GALNT17: variants seen among roughly 807,000 people sequenced by gnomAD.
GALNT17 encodes the protein polypeptide N-acetylgalactosaminyltransferase 17.
In GALNT17, 29 loss-of-function variants were observed where a neutral mutation model predicts 63.7. That is an observed-to-expected ratio of 0.46 (90% CI 0.34 to 0.62). The LOEUF (loss-of-function observed/expected upper bound fraction) is 0.62. GALNT17 is among the 20% of genes least tolerant of loss of function. The pLI is 0.01. For missense variants in GALNT17, 603 were observed against 799.6 expected (o/e 0.75, Z 2.97); for synonymous variants, 305 against 318.3 (o/e 0.96, Z 0.45).
chr7:71,562,953 A>G (rs1562692130), intron 5 of GALNT17, among the ~76,000 whole-genome samples: 1 of 152,196 alleles, frequency 6.6e-6, no homozygotes, highest in Non-Finnish European at 1.5e-5. Context: ...TTTTTCACCT[A>G]TGAAAAGAAA....
At chr7:71,321,186 C>A (rs888797226) in intron 1 of GALNT17, among the ~76,000 whole-genome samples, 5 of 152,156 alleles carry the variant, frequency 3.3e-5, no homozygotes, top group African/African-American at 1.2e-4. Flanking sequence ...ATATTTCTTA[C>A]CTGCTCCTAG....
At chr7:71,246,115 G>GTTTTTTTTTTT (rs61447370) in intron 1 of GALNT17, among the ~76,000 whole-genome samples, 6 of 92,002 alleles carry the variant, frequency 6.5e-5, no homozygotes, top group Admixed American at 1.4e-4. Context: ...TTTTTTCGTT[G>GTTTTTTTTTTT]TTTTTTTTTT....
In GALNT17 at chr7:71,373,371, AGGGAGGCAG is replaced by A. The variant is rs796471022; in HGVS notation, c.423-14861_423-14853del. Among the ~76,000 whole-genome samples, 151 of 152,232 alleles carry A rather than the reference AGGGAGGCAG, an allele frequency of 9.9e-4. 1 individual carries two copies. Among genetic ancestry groups the A allele is most frequent in the African/African-American group, 3.6e-3 (148 of 41,562 alleles). On this transcript the variant is annotated intron_variant, in intron 2 of 10. Transcript: ENST00000333538. The stretch of plus-strand genomic sequence containing the variant: ...CGGTGTGACTCAGGTCAGCTGGTGA[AGGGAGGCAG>A]GGAGGTTGGGGAGGGGAAGATGTGA...
At chr7:71,136,898 C>A (rs551469732) in intron 1 of GALNT17, among the ~76,000 whole-genome samples, 1 of 152,088 alleles carries the variant, frequency 6.6e-6, no homozygotes, top group East Asian at 1.9e-4. Flanking sequence ...GTGATCCTCC[C>A]ACCTCAGCCT....
chr7:71,583,055 A>G (rs971673434), intron 6 of GALNT17, among the ~76,000 whole-genome samples: 1 of 152,116 alleles, frequency 6.6e-6, no homozygotes, highest in Admixed American at 6.5e-5. Context: ...TTTGGGGAAA[A>G]TTAGTTTTTC....
chr7:71,337,518 A>G (rs189826277), intron 2 of GALNT17, among the ~76,000 whole-genome samples: 16 of 152,176 alleles, frequency 1.1e-4, no homozygotes, highest in African/African-American at 3.6e-4. Context: ...AAAAATGCCA[A>G]ACTGATAGGT....
At chr7:71,362,656 G>A (rs1792426113) in intron 2 of GALNT17, among the ~76,000 whole-genome samples, 2 of 152,232 alleles carry the variant, frequency 1.3e-5, no homozygotes, top group Admixed American at 1.3e-4. Context: ...TTTTTTTCAT[G>A]GCCAAGATGC....
At chr7:71,149,927 A>G (rs1461609388) in intron 1 of GALNT17, among the ~76,000 whole-genome samples, 1 of 152,160 alleles carries the variant, frequency 6.6e-6, no homozygotes, top group East Asian at 1.9e-4. Flanking sequence ...ATGGATGCTA[A>G]GCCTTGCATG....
At chr7:71,695,656 T>C (rs1235534141) in intron 9 of GALNT17, among the ~76,000 whole-genome samples, 1 of 152,170 alleles carries the variant, frequency 6.6e-6, no homozygotes, top group Non-Finnish European at 1.5e-5. Flanking sequence ...CCCTCAAGGA[T>C]TTCTCATGCT....
chr7:71,709,924 C>A (rs1791768835), intron 9 of GALNT17, among the ~76,000 whole-genome samples: 1 of 151,974 alleles, frequency 6.6e-6, no homozygotes, highest in Admixed American at 6.6e-5. Flanking sequence ...AATGTGGTAT[C>A]TTATTATTTT....
In GALNT17 at chr7:71,692,108, G is replaced by A. The variant is rs140548176; in HGVS notation, c.1500+14802G>A. On this transcript the variant is annotated intron_variant, in intron 9 of 10. Transcript: ENST00000333538. ...AAGTTTTTTATAGAGATGGGGTCTCGCTATGTTGCCTTGCTGTGTTGACCA... is the reference window on the plus strand; with the variant it reads ...AAGTTTTTTATAGAGATGGGGTCTCACTATGTTGCCTTGCTGTGTTGACCA... Among the ~76,000 whole-genome samples, 719 of 151,946 alleles carry A rather than the reference G, an allele frequency of 4.7e-3. 7 individuals are homozygous for A. Among genetic ancestry groups the A allele is most frequent in the African/African-American group, 0.016 (667 of 41,468 alleles).
intron 4 of GALNT17, among the ~76,000 whole-genome samples, chr7:71,416,639 G>GT (rs1583933549): frequency 6.6e-6 from 1 of 151,996 alleles, no homozygotes; most frequent in East Asian, 1.9e-4. Context: ...AGAAAACGGT[G>GT]TATCAATTAG....
chr7:71,564,278 C>CTTTTTTTTTTTTTTTTTT (rs10539122), intron 5 of GALNT17, among the ~76,000 whole-genome samples: 4 of 98,012 alleles, frequency 4.1e-5, no homozygotes, highest in Non-Finnish European at 1.9e-5. Flanking sequence ...CTTTTCTTTT[C>CTTTTTTTTTTTTTTTTTT]TTTTTTTTTT....
intron 9 of GALNT17, among the ~76,000 whole-genome samples, chr7:71,708,369 T>G (rs1054341358): frequency 6.6e-5 from 10 of 152,076 alleles, no homozygotes; most frequent in African/African-American, 2.4e-4. Flanking sequence ...CTGTCCTTTA[T>G]AAAACCAGCA....
chr7:71,536,536 G>A (rs770641441), intron 5 of GALNT17, among the ~76,000 whole-genome samples: 32 of 152,154 alleles, frequency 2.1e-4, no homozygotes, highest in African/African-American at 3.9e-4. Flanking sequence ...CTTACATGGC[G>A]ATGGCAAGAG....
chr7:71,403,186 C>T (rs1021410601), intron 3 of GALNT17, among the ~76,000 whole-genome samples: 1 of 152,166 alleles, frequency 6.6e-6, no homozygotes, highest in Admixed American at 6.5e-5. Context: ...ACAAGAAGAA[C>T]AACAACAAAA....
At chr7:71,528,695 C>T (rs75704549) in intron 5 of GALNT17, among the ~76,000 whole-genome samples, 2,423 of 152,168 alleles carry the variant, frequency 0.016, 31 homozygotes, top group Non-Finnish European at 0.017. Context: ...ATGACCAAAA[C>T]GGGTGCACCA....
chr7:71,225,400 G>A (rs1789663028), intron 1 of GALNT17, among the ~76,000 whole-genome samples: 1 of 152,174 alleles, frequency 6.6e-6, no homozygotes, highest in African/African-American at 2.4e-5. Context: ...CTGTTTCCAG[G>A]CTGGCCAGAG....
At chr7:71,270,762 C>T (rs1299036578) in intron 1 of GALNT17, among the ~76,000 whole-genome samples, 1 of 151,632 alleles carries the variant, frequency 6.6e-6, no homozygotes, top group Non-Finnish European at 1.5e-5. Flanking sequence ...AGAGTAATTG[C>T]CATTTGATAC....
Sources: gnomAD v4.1 joint callset for allele counts (sites outside exome capture counted in the v4.1 genomes callset) on GRCh38, gnomAD v4.1.1 for gene constraint, MANE v1.5 for transcripts, NCBI Gene and HGNC (gene_info 2026-07-23, HGNC 2026-07-21) for gene names.